P2RY14: variants seen among roughly 807,000 people sequenced by gnomAD.
The protein encoded by P2RY14 is purinergic receptor P2Y14.
P2RY14 carries 2 observed loss-of-function variants against 0.9 expected under a neutral mutation model. The ratio of observed to expected loss-of-function variants is 2.16; its 90% CI spans 0.88 to 6.79. The LOEUF (loss-of-function observed/expected upper bound fraction) is 6.79, where lower values mean the gene tolerates loss of function less well. Ranked by LOEUF, P2RY14 falls within the 30% of genes most tolerant of loss-of-function variation. The pLI is 0.05. For synonymous variants in P2RY14, 158 were observed against 147.2 expected (o/e 1.07, Z -0.53); for missense variants, 378 against 400.1 (o/e 0.94, Z 0.47).
intron 1 of P2RY14, among the ~76,000 whole-genome samples, chr3:151,254,229 T>G (rs1423921103): frequency 6.6e-6 from 1 of 152,226 alleles, no homozygotes; most frequent in Non-Finnish European, 1.5e-5. Context: ...GACTTCCTTG[T>G]GTGGAAGATG....
chr3:151,277,499 G>A (rs1031284155), intron 1 of P2RY14, among the ~76,000 whole-genome samples: 1 of 151,918 alleles, frequency 6.6e-6, no homozygotes, highest in Non-Finnish European at 1.5e-5. Context: ...TTTTACTAGT[G>A]TGATCTTTGA....
intron 1 of P2RY14, among the ~76,000 whole-genome samples, chr3:151,275,535 G>A (rs534865506): frequency 1.3e-5 from 2 of 152,272 alleles, no homozygotes; most frequent in African/African-American, 4.8e-5. Context: ...CATATGACCA[G>A]TATTTCACTT....
intron 1 of P2RY14, among the ~76,000 whole-genome samples, chr3:151,240,725 G>A (rs527878390): frequency 3.9e-5 from 6 of 152,312 alleles, no homozygotes; most frequent in Non-Finnish European, 5.9e-5. Flanking sequence ...TAAATATCCA[G>A]TCAAGGGACT....
chr3:151,221,293 A>T (rs1729295861), intron 1 of P2RY14, among the ~76,000 whole-genome samples: 1 of 152,206 alleles, frequency 6.6e-6, no homozygotes, highest in Non-Finnish European at 1.5e-5. Flanking sequence ...CAGCCTGACA[A>T]TGCAATAGAA....
chr3:151,221,833 C>T (rs753451442), intron 1 of P2RY14, among the ~76,000 whole-genome samples: 8 of 152,316 alleles, frequency 5.3e-5, no homozygotes, highest in South Asian at 2.1e-4. Flanking sequence ...CCTACTGGGG[C>T]ACCATCTAAT....
chr3:151,247,322 A>G (rs1735771944), intron 1 of P2RY14, among the ~76,000 whole-genome samples: 1 of 152,120 alleles, frequency 6.6e-6, no homozygotes, highest in African/African-American at 2.4e-5. Context: ...ACGTATGTTT[A>G]TTGTGGCATT....
At chr3:151,265,042 C>T (rs1739574138) in intron 1 of P2RY14, among the ~76,000 whole-genome samples, 2 of 152,170 alleles carry the variant, frequency 1.3e-5, no homozygotes, top group South Asian at 4.1e-4. Context: ...ATGATTTCTT[C>T]CTCTCACCCT....
chr3:151,248,382 T>C (rs1053877980), intron 1 of P2RY14, among the ~76,000 whole-genome samples: 1 of 152,182 alleles, frequency 6.6e-6, no homozygotes, highest in Non-Finnish European at 1.5e-5. Context: ...ATTTCACCTT[T>C]GGTTTCATTA....
intron 1 of P2RY14, among the ~76,000 whole-genome samples, chr3:151,252,263 G>A (rs1737005747): frequency 6.6e-6 from 1 of 152,130 alleles, no homozygotes; most frequent in African/African-American, 2.4e-5. Context: ...TACTGTGGGA[G>A]GTACAACCAG....
chr3:151,240,067 C>T (rs922384960), intron 1 of P2RY14, among the ~76,000 whole-genome samples: 8 of 151,726 alleles, frequency 5.3e-5, no homozygotes, highest in Non-Finnish European at 8.8e-5. Context: ...GTGTGTATGG[C>T]CACCACCTGT....
chr3:151,271,489 T>C (rs1740936285), intron 1 of P2RY14, among the ~76,000 whole-genome samples: 1 of 152,202 alleles, frequency 6.6e-6, no homozygotes, highest in Non-Finnish European at 1.5e-5. Context: ...GACCTAGTAA[T>C]TTCACTCCTA....
chr3:151,272,031 A>G (rs1741047339), intron 1 of P2RY14, among the ~76,000 whole-genome samples: 1 of 152,262 alleles, frequency 6.6e-6, no homozygotes, highest in Admixed American at 6.5e-5. Flanking sequence ...AGTCAAAGGC[A>G]CAAAACTTGC....
chr3:151,264,148 G>T (rs1739410870), intron 1 of P2RY14, among the ~76,000 whole-genome samples: 1 of 152,196 alleles, frequency 6.6e-6, no homozygotes, highest in Admixed American at 6.5e-5. Flanking sequence ...TCATTGTTCA[G>T]TGTTTAAAGA....
At chr3:151,247,062 G>A (rs1735705020) in intron 1 of P2RY14, among the ~76,000 whole-genome samples, 1 of 152,144 alleles carries the variant, frequency 6.6e-6, no homozygotes, top group Non-Finnish European at 1.5e-5. Flanking sequence ...ACCACAAGAA[G>A]ATACCATCTC....
At chr3:151,241,918 T>A (rs933024527) in intron 1 of P2RY14, 4 of 152,344 alleles carry the variant, frequency 2.6e-5, no homozygotes, top group African/African-American at 9.9e-5. Flanking sequence ...CGCAGGTCAG[T>A]GGGTGCGCGA....
chr3:151,220,079 A>G (rs1729042801), intron 1 of P2RY14, among the ~76,000 whole-genome samples: 2 of 149,012 alleles, frequency 1.3e-5, no homozygotes, highest in South Asian at 2.2e-4. Context: ...GAGCTGTCCT[A>G]TGCATTGTAA....
intron 2 of P2RY14, among the ~76,000 whole-genome samples, chr3:151,214,762 C>G (rs1023392033): frequency 1.3e-5 from 2 of 152,082 alleles, no homozygotes; most frequent in African/African-American, 4.8e-5. Flanking sequence ...AATAATGGTT[C>G]CCTATAAAAC....
In P2RY14 at chr3:151,213,296, G is replaced by T. The variant is rs751517527; in HGVS notation, c.*4C>A. The T allele has an allele frequency of 1.3e-6, 2 of 1,590,926 alleles. No individual in the cohort carries two copies. Among genetic ancestry groups the T allele is most frequent in the Non-Finnish European group, 8.5e-7 (1 of 1,170,312 alleles). On this transcript the variant is annotated 3_prime_UTR_variant, in exon 3 of 3. Transcript: ENST00000309170. ...GTGGTCTTTCTTTGGAAGAGGGTAG[G>T]AACTCACAAAGTATCTGTGCTTTCA...
chr3:151,249,344 G>A (rs1444266083), intron 1 of P2RY14, among the ~76,000 whole-genome samples: 1 of 152,110 alleles, frequency 6.6e-6, no homozygotes, highest in Non-Finnish European at 1.5e-5. Context: ...AATTCACATG[G>A]TTTCAAACTA....
Sources: gnomAD v4.1 joint callset for allele counts (sites outside exome capture counted in the v4.1 genomes callset) on GRCh38, gnomAD v4.1.1 for gene constraint, MANE v1.5 for transcripts, NCBI Gene and HGNC (gene_info 2026-07-23, HGNC 2026-07-21) for gene names.